The following MFNG variants were observed in gnomAD, a reference collection of about 807,000 sequenced individuals.
MFNG encodes the protein beta-1,3-N-acetylglucosaminyltransferase manic fringe.
MFNG carries 24 observed loss-of-function variants against 34.2 expected under a neutral mutation model. That is an observed-to-expected ratio of 0.70 (90% CI 0.51 to 0.99). The LOEUF is 0.99. Among genes scored for constraint, MFNG ranks in the 50% least tolerant of loss-of-function variants. MFNG has a pLI of 0.00. For missense variants in MFNG, 383 were observed against 424.0 expected, an observed-to-expected ratio of 0.90 and a Z score of 0.85; for synonymous variants, 158 against 179.2, an observed-to-expected ratio of 0.88 and a Z score of 0.94.
At chr22:37,473,802 A>G (rs981659935) in intron 6 of MFNG, among the ~76,000 whole-genome samples, 3 of 152,200 alleles carry the variant, frequency 2.0e-5, no homozygotes, top group Admixed American at 2.0e-4. Context: ...AGAGCTTCTC[A>G]GTTATGTGAG....
chr22:37,472,466 G>A lies in MFNG; in HGVS notation c.876C>T (p.Phe292=). The change falls in exon 7 of 8, where the codon TTC becomes TTT. Residue 292 remains phenylalanine, a synonymous_variant. Coordinates refer to ENST00000356998, the MANE Select transcript of MFNG (RefSeq NM_002405.4). Reference sequence around the variant, plus strand: ...ACCTGGAGGGGTCCTCCTCCGGGGAGAAGGGGCCCTGTAGCTTAATGACGT... The same window carrying A: ...ACCTGGAGGGGTCCTCCTCCGGGGAAAAGGGGCCCTGTAGCTTAATGACGT... ...KLNVIKLQGP[F]SPEEDPSRFR... is the part of the protein sequence containing the mutation. The A allele has an allele frequency of 2.5e-6, 4 of 1,583,770 alleles. No homozygotes were observed. Among genetic ancestry groups the A allele is most frequent in the Non-Finnish European group, 3.4e-6 (4 of 1,168,258 alleles).
chr22:37,483,858 G>A lies in MFNG; in HGVS notation c.255+2065C>T, dbSNP rs146005400. The stretch of plus-strand genomic sequence containing the variant: ...GGAGTCCAGGTCCAGAGGGGGCGGG[G>A]GCACAGGAGAGGGCAGTGAGGCTGG... On this transcript the variant is annotated intron_variant, in intron 1 of 7. Coordinates refer to ENST00000356998, the MANE Select transcript of MFNG (RefSeq NM_002405.4). The surrounding 1 kb of genome is among the most constrained non-coding windows in gnomAD (Gnocchi z 4.5). Among the ~76,000 whole-genome samples the A allele has an allele frequency of 1.3e-5, 2 of 152,302 alleles. No homozygotes were observed. Among genetic ancestry groups the A allele is most frequent in the Admixed American group, 6.5e-5 (1 of 15,292 alleles).
Position 37,470,770 on chromosome 22 carries a change from C to G in MFNG, c.900-741G>C, listed in dbSNP as rs114008924. On this transcript the variant is annotated intron_variant, in intron 7 of 7. Coordinates refer to ENST00000356998, the MANE Select transcript of MFNG (RefSeq NM_002405.4). ...AAGCATCACAAGCGTCCAGACAGAGCCTACAAAGGCCTTGGAGAGGCCCCT... is the reference window on the plus strand; with the variant it reads ...AAGCATCACAAGCGTCCAGACAGAGGCTACAAAGGCCTTGGAGAGGCCCCT... 6.7e-3 allele frequency among the ~76,000 whole-genome samples: 1,015 copies of G among 152,296 alleles called. 7 individuals are homozygous for G. Among genetic ancestry groups the G allele is most frequent in the African/African-American group, 0.023 (956 of 41,550 alleles).
Position 37,469,494 on chromosome 22 carries a change from T to G in MFNG, c.*469A>C. On this transcript the variant is annotated 3_prime_UTR_variant, in exon 8 of 8. Coordinates refer to ENST00000356998, the MANE Select transcript of MFNG (RefSeq NM_002405.4). ...GTGCTGCAGACCCTGGATTCTGCCA[T>G]CATTCCACCCATGTCCCTTCAGGAA... 3.7e-6 allele frequency: 1 copy of G among 269,856 alleles called. No homozygotes were observed. The highest frequency in any genetic ancestry group is 2.2e-5 in the African/African-American group (1 of 45,164). 16.7% of individuals were successfully genotyped at this position (269,856 alleles called of 1,614,324 possible). A position where few individuals can be genotyped will look rare whatever the true frequency, so the allele number is the denominator to read the frequency against.
intron 4 of MFNG, 100 bp downstream of exon 4, chr22:37,479,245 C>A: frequency 7.4e-7 from 1 of 1,351,954 alleles, no homozygotes. Context: ...ACCTGAAACC[C>A]AGAACCCCTC....
At position 37,482,097 on chromosome 22, in the gene MFNG, G is replaced by A. The variant is rs1922316835; in HGVS notation, c.256-1328C>T. ...TAGGAGGCCAGGAGGCCGGGAGCCA[G>A]GTTTGACACAGGAAGGGGCAGGAGG... On this transcript the variant is annotated intron_variant, in intron 1 of 7. Transcript: ENST00000356998. The surrounding 1 kb of genome is among the most constrained non-coding windows in gnomAD (Gnocchi z 4.1). 6.6e-6 allele frequency among the ~76,000 whole-genome samples: 1 copy of A among 152,210 alleles called. No individual in the cohort carries two copies. The highest frequency in any genetic ancestry group is 1.5e-5 in the Non-Finnish European group (1 of 68,022).
rs897979955 is a variant in MFNG at position 37,474,683 on chromosome 22, G to A, written c.648-6C>T. On this transcript the variant is annotated splice_region_variant and splice_polypyrimidine_tract_variant and intron_variant, in intron 5 of 7. Transcript: ENST00000356998. The stretch of plus-strand genomic sequence containing the variant: ...TGTCCATGAAACGGGAGCCACTGAG[G>A]GACAGAGCCAGACTGCAGACGCTGG... 4 of 1,591,124 alleles carry A rather than the reference G, an allele frequency of 2.5e-6. No individual in the cohort carries two copies. The Admixed American group carries it at 6.9e-5, about 28-fold the overall frequency.
rs1047587144 is a variant in MFNG, at chr22:37,469,560, C to T, written c.*403G>A. On this transcript the variant is annotated 3_prime_UTR_variant, in exon 8 of 8. Coordinates refer to ENST00000356998, the MANE Select transcript of MFNG (RefSeq NM_002405.4). ...AGGGAGGCAGGAGTGGGCGGCCCAG[C>T]GCTTGAGCCCCAGGGGAATGACTGA... 12 of 347,110 alleles carry T rather than the reference C, an allele frequency of 3.5e-5. No homozygotes were observed. The highest frequency in any genetic ancestry group is 1.5e-4 in the African/African-American group (7 of 46,754). The allele number at this position is 347,110 out of a possible 1,614,324, so 21.5% of individuals were successfully genotyped here. A position where few individuals can be genotyped will look rare whatever the true frequency, so the allele number is the denominator to read the frequency against.
At chr22:37,480,327 C>T (rs200008337) in intron 2 of MFNG, 28 bp from the exon 3 acceptor site, 22 of 1,581,740 alleles carry the variant, frequency 1.4e-5, no homozygotes, top group Middle Eastern at 3.5e-4. Context: ...AGTCAGGGGA[C>T]CCTGCCCAGG....
rs958506368 is a variant in MFNG, at chr22:37,469,718, T to C, written c.*245A>G. ...TTCAATTCAGCCTCCTGAGGGAGTC[T>C]AGCCCCTGGAGCCTCTCTGGCCACC... On this transcript the variant is annotated 3_prime_UTR_variant, in exon 8 of 8. Transcript: ENST00000356998. The C allele has an allele frequency of 6.4e-6, 4 of 629,192 alleles. No individual in the cohort carries two copies. The African/African-American group carries it at 7.2e-5, about 11-fold the overall frequency. 39.0% of individuals were successfully genotyped at this position (629,192 alleles called of 1,614,324 possible).
At chr22:37,484,884 C>G (rs1256894790) in intron 1 of MFNG, among the ~76,000 whole-genome samples, 1 of 152,200 alleles carries the variant, frequency 6.6e-6, no homozygotes, top group Non-Finnish European at 1.5e-5. Flanking sequence ...ATCCTCTCCC[C>G]CTCCTTTTGG....
In MFNG at chr22:37,476,924, G is replaced by A. The variant is rs1922068123; in HGVS notation, c.619C>T (p.Leu207=). The change falls in exon 5 of 8, where the codon CTG becomes TTG. Residue 207 remains leucine, a synonymous_variant. Transcript: ENST00000356998. The part of the protein sequence containing the change: ...GGAGFCINRK[L]ALKMAPWASG... ...GCCCACGGAGCCATCTTCAAAGCCA[G>A]TTTGCGATTGATGCAGAAGCCAGCA... 1 of 1,611,520 alleles carries A rather than the reference G, an allele frequency of 6.2e-7. No individual in the cohort carries two copies. Among genetic ancestry groups the A allele is most frequent in the South Asian group, 1.1e-5 (1 of 91,060 alleles).
intron 6 of MFNG, chr22:37,472,750 A>C (rs1160150614): frequency 2.2e-6 from 1 of 462,650 alleles, no homozygotes; most frequent in African/African-American, 2.1e-5. Flanking sequence ...TCAAGAGTTG[A>C]GCTCCCCTGA....
chr22:37,472,684 C>G (rs1301883107), intron 6 of MFNG, 156 bp from the exon 7 acceptor site: 1 of 615,558 alleles, frequency 1.6e-6, no homozygotes, highest in East Asian at 3.3e-5. Flanking sequence ...ACCCCACGCC[C>G]CAAGGCACTT....
In MFNG at chr22:37,486,351, C is replaced by A. The variant is rs1177873222; in HGVS notation, c.-174G>T. 8 of 620,322 alleles carry A rather than the reference C, an allele frequency of 1.3e-5. No homozygotes were observed. The highest frequency in any genetic ancestry group is 1.9e-5 in the Non-Finnish European group (8 of 415,318). 38.4% of individuals were successfully genotyped at this position (620,322 alleles called of 1,614,324 possible). A position where few individuals can be genotyped will look rare whatever the true frequency, so the allele number is the denominator to read the frequency against. ...GGACCCAGAGGCTGAGCCATGGCAGCACGATCTCGACCGCCGCCAGTCCTC... is the reference window on the plus strand; with the variant it reads ...GGACCCAGAGGCTGAGCCATGGCAGAACGATCTCGACCGCCGCCAGTCCTC... On this transcript the variant is annotated 5_prime_UTR_variant, in exon 1 of 8. Coordinates refer to ENST00000356998, the MANE Select transcript of MFNG (RefSeq NM_002405.4).
rs1461628447 is a variant in MFNG at position 37,480,181 on chromosome 22, AC to A, written c.407+15del. The stretch of plus-strand genomic sequence containing the variant: ...GCCCAGACCACACTTATCCCCAGAG[AC>A]CCAGGAACACTCGCCTAAGCCCACT... On this transcript the variant is annotated intron_variant, in intron 3 of 7. Coordinates refer to ENST00000356998, the MANE Select transcript of MFNG (RefSeq NM_002405.4). 2.5e-6 allele frequency: 4 copies of A among 1,589,608 alleles called. No individual in the cohort carries two copies. The highest frequency in any genetic ancestry group is 2.6e-6 in the Non-Finnish European group (3 of 1,160,580).
chr22:37,484,029 G>A (rs908928891), intron 1 of MFNG, among the ~76,000 whole-genome samples: 37 of 152,220 alleles, frequency 2.4e-4, no homozygotes, highest in African/African-American at 8.0e-4. Context: ...AAAGGGACAC[G>A]CAGCCTGCTG....
intron 6 of MFNG, among the ~76,000 whole-genome samples, chr22:37,473,920 G>A (rs1921921689): frequency 6.6e-6 from 1 of 152,228 alleles, no homozygotes; most frequent in African/African-American, 2.4e-5. Context: ...AGTGTCAGAG[G>A]GCAGCCTCTC....
At chr22:37,474,385 G>T (rs905431918) in intron 6 of MFNG, 127 bp downstream of exon 6, 8 of 1,131,182 alleles carry the variant, frequency 7.1e-6, no homozygotes, top group Admixed American at 2.6e-5. Flanking sequence ...CCCATCAATA[G>T]GGAATACCCA....
Sources: allele counts gnomAD v4.1 joint callset (sites outside exome capture counted in the v4.1 genomes callset), GRCh38; gene constraint gnomAD v4.1.1; non-coding constraint Gnocchi (gnomAD v3.1); transcripts MANE v1.5; gene names NCBI Gene and HGNC (gene_info 2026-07-23, HGNC 2026-07-21).